The following PLSCR2 variants were observed in gnomAD, a reference collection of about 807,000 sequenced individuals.
PLSCR2 encodes the protein phospholipid scramblase 2, also known as PL scramblase 2.
Under a neutral mutation model 25.3 loss-of-function variants are expected in PLSCR2, and 18 were observed. That is an observed-to-expected ratio of 0.71 (90% CI 0.49 to 1.06). PLSCR2 has a LOEUF of 1.06. Among genes scored for constraint, PLSCR2 ranks in the 50% least tolerant of loss-of-function variants. The probability of loss-of-function intolerance (pLI) is 0.00; values close to 1 mark genes in which losing one functional copy is unlikely to be tolerated. For synonymous variants in PLSCR2, 88 were observed against 87.3 expected, an observed-to-expected ratio of 1.01 and a Z score of -0.04; for missense variants, 243 against 269.5, an observed-to-expected ratio of 0.90 and a Z score of 0.69.
chr3:146,427,005 A>G (rs1340197109), intron 2 of PLSCR2, among the ~76,000 whole-genome samples: 1 of 152,212 alleles, frequency 6.6e-6, no homozygotes, highest in Non-Finnish European at 1.5e-5. Flanking sequence ...AGTAAACTTC[A>G]CCCTCAATTT....
chr3:146,459,149 A>G (rs2041402912), intron 2 of PLSCR2, among the ~76,000 whole-genome samples: 1 of 152,196 alleles, frequency 6.6e-6, no homozygotes, highest in African/African-American at 2.4e-5. Context: ...AGTACAGCAA[A>G]ATCCAGGACA....
intron 3 of PLSCR2, among the ~76,000 whole-genome samples, chr3:146,394,488 A>G (rs2038207179): frequency 1.3e-5 from 2 of 151,912 alleles, no homozygotes; most frequent in South Asian, 4.2e-4. Flanking sequence ...CTGGTCTCGA[A>G]CTCCTGACCT....
chr3:146,427,606 T>G (rs1382269834), intron 2 of PLSCR2, among the ~76,000 whole-genome samples: 1 of 152,200 alleles, frequency 6.6e-6, no homozygotes, highest in East Asian at 1.9e-4. Flanking sequence ...ATGTGAACTC[T>G]GTCCAAGTTC....
chr3:146,445,272 G>T (rs1270898290), intron 6 of PLSCR2, among the ~76,000 whole-genome samples: 1 of 151,976 alleles, frequency 6.6e-6, no homozygotes, highest in East Asian at 1.9e-4. Flanking sequence ...GCACCTTCAG[G>T]TGATTTCTTG....
downstream of PLSCR2, among the ~76,000 whole-genome samples, chr3:146,430,533 T>C (rs1003090152): frequency 6.6e-6 from 1 of 152,198 alleles, no homozygotes; most frequent in South Asian, 2.1e-4. Flanking sequence ...CCTTAAATGA[T>C]AGCAGCAATT....
At chr3:146,419,102 A>ATT in intron 2 of PLSCR2, among the ~76,000 whole-genome samples, 1 of 151,938 alleles carries the variant, frequency 6.6e-6, no homozygotes, top group Admixed American at 6.6e-5. Context: ...TTCTCTCAAG[A>ATT]TTTTTTTTCT....
downstream of PLSCR2, among the ~76,000 whole-genome samples, chr3:146,432,432 G>C (rs2039579649): frequency 6.6e-6 from 1 of 152,142 alleles, no homozygotes; most frequent in Non-Finnish European, 1.5e-5. Context: ...TGGGCAAAAT[G>C]GTGGCCTGAG....
intron 1 of PLSCR2, 192 bp downstream of exon 1, chr3:146,469,303 A>C (rs1363804386): frequency 1.0e-6 from 1 of 985,478 alleles, no homozygotes; most frequent in Non-Finnish European, 1.2e-6. Flanking sequence ...TTCTGGTGTG[A>C]GCCAGGGTAC....
chr3:146,421,409 A>G (rs987495329), intron 2 of PLSCR2, among the ~76,000 whole-genome samples: 1 of 152,080 alleles, frequency 6.6e-6, no homozygotes, highest in East Asian at 1.9e-4. Flanking sequence ...TAGCCTGAAG[A>G]CTACTATTTC....
chr3:146,489,119 G>A (rs2043453067), intron 1 of PLSCR2, among the ~76,000 whole-genome samples: 1 of 152,062 alleles, frequency 6.6e-6, no homozygotes, highest in African/African-American at 2.4e-5. Flanking sequence ...TCAACAATGA[G>A]AGCACATAGA....
At chr3:146,391,736 G>C (rs2038088269) in intron 3 of PLSCR2, among the ~76,000 whole-genome samples, 2 of 152,056 alleles carry the variant, frequency 1.3e-5, no homozygotes, top group South Asian at 4.2e-4. Flanking sequence ...ACTTGCAAGG[G>C]TATAAGAATG....
At chr3:146,461,542 A>G (rs1414818521), upstream of PLSCR2, among the ~76,000 whole-genome samples, 1 of 152,178 alleles carries the variant, frequency 6.6e-6, no homozygotes, top group Non-Finnish European at 1.5e-5. Flanking sequence ...AAAACATGGG[A>G]GAAAGGACAG....
At position 146,441,833 on chromosome 3, in the gene PLSCR2, C is replaced by CA; in HGVS notation, c.646-13dup. On this transcript the variant is annotated splice_polypyrimidine_tract_variant and intron_variant, in intron 6 of 6. Transcript: ENST00000610787. Reference sequence around the variant, plus strand: ...AAAAACATGTAGTCCTGGATAAAAACAAAAATACAGAAATGAATTCTCAGA... The same window carrying CA: ...AAAAACATGTAGTCCTGGATAAAAACAAAAAATACAGAAATGAATTCTCAGA... 1 of 1,557,806 alleles carries CA rather than the reference C, an allele frequency of 6.4e-7. No homozygotes were observed. The highest frequency in any genetic ancestry group is 8.8e-7 in the Non-Finnish European group (1 of 1,135,348).
At chr3:146,423,283 C>CTCTCTCTCTCTCCG (rs2039223901) in intron 2 of PLSCR2, among the ~76,000 whole-genome samples, 1 of 75,474 alleles carries the variant, frequency 1.3e-5, no homozygotes, top group Non-Finnish European at 3.0e-5. Context: ...CTCTCTCTCT[C>CTCTCTCTCTCTCCG]CCTGGCTAGA....
chr3:146,449,222 C>A, exon 6 of PLSCR2: 8 of 1,612,166 alleles, frequency 5.0e-6, no homozygotes, highest in Non-Finnish European at 6.8e-6. Flanking sequence ...GAAACAGGCA[C>A]CAATCATCAC....
upstream of PLSCR2, among the ~76,000 whole-genome samples, chr3:146,460,825 C>T (rs2041531566): frequency 6.6e-6 from 1 of 152,146 alleles, no homozygotes. Flanking sequence ...CTTGTCTGGG[C>T]CAATGGGTTA....
chr3:146,461,754 C>T (rs2041587505), upstream of PLSCR2: 3 of 697,082 alleles, frequency 4.3e-6, no homozygotes, highest in African/African-American at 5.3e-5. Context: ...TGGTTGTCAC[C>T]AAAGCAATAG....
intron 6 of PLSCR2, among the ~76,000 whole-genome samples, chr3:146,447,375 C>A (rs979330981): frequency 7.2e-5 from 11 of 152,200 alleles, no homozygotes; most frequent in African/African-American, 2.2e-4. Context: ...ATCAATAGGA[C>A]AGACATTAGG....
chr3:146,394,854 C>A (rs1037124169), intron 3 of PLSCR2, among the ~76,000 whole-genome samples: 13 of 152,158 alleles, frequency 8.5e-5, no homozygotes, highest in Admixed American at 5.2e-4. Flanking sequence ...GGGCAGTTTC[C>A]TCCAGGCTGT....
Sources: allele counts gnomAD v4.1 joint callset (sites outside exome capture counted in the v4.1 genomes callset), GRCh38; gene constraint gnomAD v4.1.1; transcripts MANE v1.5; gene names NCBI Gene and HGNC (gene_info 2026-07-23, HGNC 2026-07-21).